TMEM178B: variants seen among roughly 807,000 people sequenced by gnomAD.
The protein encoded by TMEM178B is transmembrane protein 178B.
TMEM178B carries 5 observed loss-of-function variants against 31.0 expected under a neutral mutation model. The observed-to-expected ratio is 0.16, with a 90% CI of 0.08 to 0.34. The LOEUF (loss-of-function observed/expected upper bound fraction) is 0.34, where lower values mean the gene tolerates loss of function less well. Among genes scored for constraint, TMEM178B ranks in the 10% least tolerant of loss-of-function variants. The probability of loss-of-function intolerance (pLI) is 1.00; values close to 1 mark genes in which losing one functional copy is unlikely to be tolerated. For synonymous variants in TMEM178B, 164 were observed against 164.0 expected (o/e 1.00, Z 0.00); for missense variants, 275 against 400.3 (o/e 0.69, Z 2.67).
At chr7:141,295,367 G>T (rs564340393) in intron 2 of TMEM178B, among the ~76,000 whole-genome samples, 2 of 152,298 alleles carry the variant, frequency 1.3e-5, no homozygotes, top group East Asian at 3.9e-4. Flanking sequence ...GTGAGAGGAG[G>T]CTACTGCACA....
the TMEM178B span, among the ~76,000 whole-genome samples, chr7:141,509,167 C>T: frequency 6.6e-6 from 1 of 152,006 alleles, no homozygotes; most frequent in Non-Finnish European, 1.5e-5. Context: ...AGAGGGAGAA[C>T]TTATCTGGAT....
chr7:141,254,578 C>T (rs1472402915), intron 2 of TMEM178B, among the ~76,000 whole-genome samples: 1 of 152,100 alleles, frequency 6.6e-6, no homozygotes, highest in Non-Finnish European at 1.5e-5. Flanking sequence ...ATTAGCCAGG[C>T]GTGGTGGCAG....
intron 1 of TMEM178B, among the ~76,000 whole-genome samples, chr7:141,146,025 A>G (rs1158749349): frequency 6.6e-6 from 1 of 152,212 alleles, no homozygotes; most frequent in East Asian, 1.9e-4. Flanking sequence ...AGTGCTTACT[A>G]TATGCTGAGC....
chr7:141,192,615 C>T (rs1796716116), intron 1 of TMEM178B, among the ~76,000 whole-genome samples: 2 of 152,048 alleles, frequency 1.3e-5, no homozygotes, highest in South Asian at 2.1e-4. Flanking sequence ...CAGGCGCTTG[C>T]CACCACACCC....
intron 2 of TMEM178B, among the ~76,000 whole-genome samples, chr7:141,416,682 T>C (rs1019276623): frequency 1.3e-5 from 2 of 152,230 alleles, no homozygotes; most frequent in African/African-American, 4.8e-5. Context: ...TATCTGCCAA[T>C]GACCTTGGCC....
intron 2 of TMEM178B, among the ~76,000 whole-genome samples, chr7:141,378,528 G>A (rs1800258950): frequency 6.6e-6 from 1 of 152,180 alleles, no homozygotes; most frequent in African/African-American, 2.4e-5. Flanking sequence ...GCATTGCCTG[G>A]TTAACAGCAC....
At chr7:141,154,289 A>G (rs561839239) in intron 1 of TMEM178B, among the ~76,000 whole-genome samples, 2 of 152,360 alleles carry the variant, frequency 1.3e-5, no homozygotes, top group Non-Finnish European at 2.9e-5. Flanking sequence ...GAGATCAGAC[A>G]GTAAAATTGC....
intron 2 of TMEM178B, among the ~76,000 whole-genome samples, chr7:141,217,686 T>C (rs1011008602): frequency 2.0e-5 from 3 of 152,128 alleles, no homozygotes; most frequent in Non-Finnish European, 4.4e-5. Context: ...CTTTGCCCCT[T>C]GATCTGCTGA....
chr7:141,417,539 A>G (rs1801120959), intron 2 of TMEM178B, among the ~76,000 whole-genome samples: 1 of 152,206 alleles, frequency 6.6e-6, no homozygotes, highest in Admixed American at 6.5e-5. Flanking sequence ...GGTCCCACCC[A>G]CGGTGATGCT....
At chr7:141,216,513 A>C (rs1267493996) in intron 2 of TMEM178B, among the ~76,000 whole-genome samples, 1 of 144,416 alleles carries the variant, frequency 6.9e-6, no homozygotes, top group Non-Finnish European at 1.5e-5. Flanking sequence ...TTTGTGGATG[A>C]GGTTCAAATG....
intron 3 of TMEM178B, among the ~76,000 whole-genome samples, chr7:141,464,614 TG>T (rs1301427990): frequency 1.2e-4 from 18 of 152,244 alleles, no homozygotes; most frequent in Non-Finnish European, 2.4e-4. Flanking sequence ...GCAGGGATCA[TG>T]TCTTATTCTT....
At chr7:141,210,669 G>A (rs989562278) in intron 1 of TMEM178B, among the ~76,000 whole-genome samples, 1 of 152,092 alleles carries the variant, frequency 6.6e-6, no homozygotes, top group African/African-American at 2.4e-5. Context: ...CAGAGCCATG[G>A]GCAGCCTCAT....
chr7:141,496,177 T>G, the TMEM178B span, among the ~76,000 whole-genome samples: 3 of 152,150 alleles, frequency 2.0e-5, no homozygotes, highest in African/African-American at 7.2e-5. Flanking sequence ...TGTCAGTCAC[T>G]GGAGATGTGG....
intron 1 of TMEM178B, among the ~76,000 whole-genome samples, chr7:141,135,731 G>A (rs951788118): frequency 3.9e-5 from 6 of 152,022 alleles, no homozygotes; most frequent in Non-Finnish European, 8.8e-5. Context: ...TACAGCAAAA[G>A]CAGTTCTAAG....
intron 1 of TMEM178B, among the ~76,000 whole-genome samples, chr7:141,173,708 AGTTTTG>A (rs1796383185): frequency 6.6e-6 from 1 of 152,166 alleles, no homozygotes; most frequent in Non-Finnish European, 1.5e-5. Flanking sequence ...GTCTTATACT[AGTTTTG>A]GATTGGTTGG....
intron 2 of TMEM178B, among the ~76,000 whole-genome samples, chr7:141,377,563 C>G (rs936971233): frequency 6.6e-6 from 1 of 151,836 alleles, no homozygotes. Flanking sequence ...CACGGCTACT[C>G]AAGAGGCTAA....
intron 2 of TMEM178B, among the ~76,000 whole-genome samples, chr7:141,392,428 T>C (rs950416970): frequency 2.6e-5 from 4 of 152,230 alleles, no homozygotes; most frequent in Non-Finnish European, 4.4e-5. Flanking sequence ...ATCATCTTTC[T>C]CTCTTCCTCT....
chr7:141,395,125 T>C (rs576957041), intron 2 of TMEM178B, among the ~76,000 whole-genome samples: 1 of 152,212 alleles, frequency 6.6e-6, no homozygotes. Context: ...TACTTGTTTT[T>C]ATCTAATCAT....
At chr7:141,308,218 T>C (rs952324809) in intron 2 of TMEM178B, among the ~76,000 whole-genome samples, 2 of 152,204 alleles carry the variant, frequency 1.3e-5, no homozygotes, top group African/African-American at 4.8e-5. Context: ...ATCTGCCTAC[T>C]ATGAAGTGGA....
Sources: gnomAD v4.1 joint callset for allele counts (sites outside exome capture counted in the v4.1 genomes callset) on GRCh38, gnomAD v4.1.1 for gene constraint, MANE v1.5 for transcripts, NCBI Gene and HGNC (gene_info 2026-07-23, HGNC 2026-07-21) for gene names.